Variants in NMNAT2 observed in about 807,000 individuals in gnomAD.
The protein encoded by NMNAT2 is nicotinamide/nicotinic acid mononucleotide adenylyltransferase 2.
NMNAT2 carries 11 observed loss-of-function variants against 41.6 expected under a neutral mutation model. That is an observed-to-expected ratio of 0.26 (90% confidence interval 0.17 to 0.44). The LOEUF (loss-of-function observed/expected upper bound fraction) is 0.44, where lower values mean the gene tolerates loss of function less well. Among genes scored for constraint, NMNAT2 ranks in the 20% least tolerant of loss-of-function variants. The pLI, the probability that NMNAT2 is intolerant of heterozygous loss-of-function variation, is 1.00. For synonymous variants in NMNAT2, 148 were observed against 151.2 expected, an observed-to-expected ratio of 0.98 and a Z score of 0.16; for missense variants, 288 against 407.7, an observed-to-expected ratio of 0.71 and a Z score of 2.53.
intron 1 of NMNAT2, among the ~76,000 whole-genome samples, chr1:183,308,060 C>A (rs1308033894): frequency 6.6e-6 from 1 of 152,164 alleles, no homozygotes; most frequent in East Asian, 1.9e-4. Context: ...ATTGATTGAG[C>A]TCTGCTGGCA....
intron 1 of NMNAT2, among the ~76,000 whole-genome samples, chr1:183,304,175 G>A (rs1571586628): frequency 6.6e-6 from 1 of 152,284 alleles, no homozygotes; most frequent in Non-Finnish European, 1.5e-5. Flanking sequence ...AGTTTTCTAG[G>A]AAGACAAAGG....
At chr1:183,352,124 T>C (rs564258711) in intron 1 of NMNAT2, among the ~76,000 whole-genome samples, 2 of 152,274 alleles carry the variant, frequency 1.3e-5, no homozygotes, top group Admixed American at 6.5e-5. Flanking sequence ...GTGTCCGTTG[T>C]TGGGCAGGGA....
chr1:183,326,207 C>T (rs1182612961), intron 1 of NMNAT2, among the ~76,000 whole-genome samples: 3 of 151,880 alleles, frequency 2.0e-5, no homozygotes, highest in African/African-American at 7.3e-5. Flanking sequence ...GAAACCCTGC[C>T]TGTACTAAAA....
chr1:183,369,309 G>T (rs1255990625), intron 1 of NMNAT2, among the ~76,000 whole-genome samples: 2 of 133,666 alleles, frequency 1.5e-5, no homozygotes, highest in Non-Finnish European at 3.1e-5. Context: ...ACGGCATCTT[G>T]CTCTGTTGCC....
At position 183,261,237 on chromosome 1, in the gene NMNAT2, T is replaced by A; in HGVS notation, c.718A>T (p.Ile240Phe). 6.2e-7 allele frequency: 1 copy of A among 1,614,162 alleles called. No individual in the cohort carries two copies. Among genetic ancestry groups the A allele is most frequent in the Non-Finnish European group, 8.5e-7 (1 of 1,180,024 alleles). Residue 240 changes from isoleucine to phenylalanine, a missense_variant, in exon 9 of 11, where the codon ATC becomes TTC. Ile to Phe is a conservative substitution (Grantham distance 21). Around this residue, in one of 3 missense-constraint regions of NMNAT2, gnomAD observed 181 missense variants for 213.7 expected, o/e 0.85. Transcript: ENST00000287713. Reference protein sequence around the residue: ...VPRDAADTDRIMNHSSILRKY... With the variant: ...VPRDAADTDRFMNHSSILRKY... ...CGGAGTATTGAGGAGTGATTCATGA[T>A]TCGGTCTGTGTCGGCTGCATCCCGG...
intron 1 of NMNAT2, among the ~76,000 whole-genome samples, chr1:183,372,204 G>C (rs1663559831): frequency 6.6e-6 from 1 of 152,212 alleles, no homozygotes; most frequent in African/African-American, 2.4e-5. Flanking sequence ...CCAGAAACAA[G>C]GGCGTGCCTC....
chr1:183,359,397 A>G (rs1173386748), intron 1 of NMNAT2, among the ~76,000 whole-genome samples: 1 of 152,196 alleles, frequency 6.6e-6, no homozygotes, highest in Non-Finnish European at 1.5e-5. Flanking sequence ...AGAAAAGAAG[A>G]GAAAACCCAG....
intron 7 of NMNAT2, among the ~76,000 whole-genome samples, chr1:183,280,136 C>A (rs1661220856): frequency 1.3e-5 from 2 of 152,322 alleles, no homozygotes; most frequent in Admixed American, 6.5e-5. Flanking sequence ...AACTCCCCAA[C>A]TGTGGAGAGG....
chr1:183,329,478 G>A (rs890368982), intron 1 of NMNAT2, among the ~76,000 whole-genome samples: 4 of 152,142 alleles, frequency 2.6e-5, no homozygotes, highest in Admixed American at 6.5e-5. Flanking sequence ...AAACCTGTGT[G>A]GGAGGAGACC....
chr1:183,320,139 C>A (rs1231107155), intron 1 of NMNAT2, among the ~76,000 whole-genome samples: 1 of 152,102 alleles, frequency 6.6e-6, no homozygotes, highest in African/African-American at 2.4e-5. Flanking sequence ...AGAGGAGAAA[C>A]AAGATGAGAA....
At chr1:183,289,213 A>C (rs940037639) in intron 4 of NMNAT2, among the ~76,000 whole-genome samples, 2 of 152,176 alleles carry the variant, frequency 1.3e-5, no homozygotes, top group African/African-American at 2.4e-5. Flanking sequence ...GTGGACTGCT[A>C]TCTGGGGCTG....
intron 1 of NMNAT2, among the ~76,000 whole-genome samples, chr1:183,364,263 A>T (rs1310256742): frequency 2.0e-5 from 3 of 152,194 alleles, no homozygotes; most frequent in African/African-American, 7.2e-5. Flanking sequence ...TGGGTGTGTA[A>T]ACAGATATTT....
chr1:183,322,668 A>C (rs1161963064), intron 1 of NMNAT2, among the ~76,000 whole-genome samples: 3 of 152,140 alleles, frequency 2.0e-5, no homozygotes, highest in African/African-American at 7.2e-5. Flanking sequence ...GCCCCTCAAT[A>C]AGCGATCTGG....
At chr1:183,267,800 G>C (rs752649976) in intron 8 of NMNAT2, among the ~76,000 whole-genome samples, 3 of 152,110 alleles carry the variant, frequency 2.0e-5, no homozygotes, top group Non-Finnish European at 2.9e-5. Context: ...GAGAGGTGGG[G>C]TGGGCGAGTG....
chr1:183,293,518 C>T (rs1003207920), intron 2 of NMNAT2, among the ~76,000 whole-genome samples, 187 bp downstream of exon 2: 1 of 152,236 alleles, frequency 6.6e-6, no homozygotes, highest in Non-Finnish European at 1.5e-5. Context: ...ACTGCTTCAA[C>T]GCCCATCCAC....
chr1:183,339,481 TAG>T (rs959893311), intron 1 of NMNAT2, among the ~76,000 whole-genome samples: 3 of 152,230 alleles, frequency 2.0e-5, no homozygotes, highest in African/African-American at 7.2e-5. Context: ...AGCATTATTG[TAG>T]AGAGTTTCAA....
At chr1:183,383,072 C>G (rs1276911351) in intron 1 of NMNAT2, among the ~76,000 whole-genome samples, 1 of 152,256 alleles carries the variant, frequency 6.6e-6, no homozygotes, top group East Asian at 1.9e-4. Context: ...GAAATCTAGG[C>G]AGAGGCTCCC....
At chr1:183,302,976 A>G (rs1661901115) in intron 1 of NMNAT2, among the ~76,000 whole-genome samples, 1 of 152,204 alleles carries the variant, frequency 6.6e-6, no homozygotes, top group Non-Finnish European at 1.5e-5. Context: ...AACAGCAGCC[A>G]TCTCCTGATC....
rs67117635 is a variant in NMNAT2, at chr1:183,265,258, C to CTTTTTTT, written c.652-3962_652-3956dup. On this transcript the variant is annotated intron_variant, in intron 8 of 10. Transcript: ENST00000287713. ...TAGAAATTCTCTTCTTCTTCTTCTT[C>CTTTTTTT]TTTTTTTTTTTTTTTTTTTTTTTTT... Among the ~76,000 whole-genome samples the CTTTTTTT allele has an allele frequency of 5.1e-4, 33 of 64,568 alleles. 3 individuals carry two copies. The highest frequency in any genetic ancestry group is 1.4e-3 in the African/African-American group (22 of 15,480). 42.4% of individuals were successfully genotyped at this position (64,568 alleles called of 152,430 possible). A position where few individuals can be genotyped will look rare whatever the true frequency, so the allele number is the denominator to read the frequency against.
Sources: gnomAD v4.1 joint callset for allele counts (sites outside exome capture counted in the v4.1 genomes callset) on GRCh38, gnomAD v4.1.1 for gene constraint, gnomAD v4.1.1 regional missense constraint, MANE v1.5 for transcripts, NCBI Gene and HGNC (gene_info 2026-07-23, HGNC 2026-07-21) for gene names.